Variants in GOLM1 observed in about 807,000 individuals in gnomAD.
The protein encoded by GOLM1 is epididymis luminal protein 46.
In GOLM1, 31 loss-of-function variants were observed where a neutral mutation model predicts 50.5. The ratio of observed to expected loss-of-function variants is 0.61; its 90% CI spans 0.46 to 0.83. The LOEUF (loss-of-function observed/expected upper bound fraction) is 0.83. Ranked by LOEUF, GOLM1 falls within the 40% of genes least tolerant of loss-of-function variation. The pLI, the probability that GOLM1 is intolerant of heterozygous loss-of-function variation, is 0.00. For missense variants in GOLM1, 491 were observed against 501.3 expected (o/e 0.98, Z 0.20); for synonymous variants, 178 against 192.8 (o/e 0.92, Z 0.64).
At chr9:86,037,498 A>AACT (rs1260764889) in intron 6 of GOLM1, among the ~76,000 whole-genome samples, 3 of 152,110 alleles carry the variant, frequency 2.0e-5, no homozygotes, top group Non-Finnish European at 2.9e-5. Context: ...AGCATACCAA[A>AACT]ACTTATGGGA....
rs752129989 is a variant in GOLM1 at position 86,035,554 on chromosome 9, C to T, written c.829G>A (p.Glu277Lys). 1.9e-6 allele frequency: 3 copies of T among 1,610,894 alleles called. No individual in the cohort carries two copies. The Admixed American group carries it at 5.0e-5, about 27-fold the overall frequency. ...ACAGGTCTGTCTTCCACCACCTGCT[C>T]CCGGCCTGGCTCCTGCGGCAGCCTG... ...RDRLPQEPGR[E>K]QVVEDRPVGG... The change falls in exon 8 of 10, where the codon GAG becomes AAG. Residue 277 changes from glutamate (E) to lysine (K), a missense_variant. Transcript: ENST00000388712.
At chr9:86,095,096 A>G (rs1445051313) in intron 1 of GOLM1, among the ~76,000 whole-genome samples, 9 of 151,678 alleles carry the variant, frequency 5.9e-5, no homozygotes, top group Non-Finnish European at 1.2e-4. Flanking sequence ...AAAGAAAAAG[A>G]AAAGAAAAGA....
chr9:86,049,960 T>C (rs1833684580), intron 4 of GOLM1, among the ~76,000 whole-genome samples: 1 of 152,196 alleles, frequency 6.6e-6, no homozygotes, highest in Non-Finnish European at 1.5e-5. Context: ...TCAAAGGGAA[T>C]GCTTCCAGTT....
intron 3 of GOLM1, among the ~76,000 whole-genome samples, chr9:86,065,608 T>G (rs1356415287): frequency 6.6e-6 from 1 of 152,168 alleles, no homozygotes; most frequent in African/African-American, 2.4e-5. Flanking sequence ...CGAGCAGACC[T>G]GGCAGCCCCC....
intron 3 of GOLM1, among the ~76,000 whole-genome samples, chr9:86,066,102 G>T (rs1380210586): frequency 6.6e-6 from 1 of 152,130 alleles, no homozygotes; most frequent in Non-Finnish European, 1.5e-5. Flanking sequence ...TAGGACCAAT[G>T]ACCAGACTTG....
intron 6 of GOLM1, among the ~76,000 whole-genome samples, chr9:86,037,024 C>A (rs915990742): frequency 6.6e-6 from 1 of 152,184 alleles, no homozygotes; most frequent in African/African-American, 2.4e-5. Flanking sequence ...AAATCAATAA[C>A]AGGATGAAAC....
chr9:86,060,001 T>C (rs1410388240), intron 3 of GOLM1, among the ~76,000 whole-genome samples: 1 of 142,612 alleles, frequency 7.0e-6, no homozygotes, highest in Non-Finnish European at 1.5e-5. Context: ...CATTAAAAAA[T>C]GGCTAAAATA....
Position 86,076,421 on chromosome 9 carries a change from CAAAAAAAAAAAAAA to C in GOLM1, c.309+977_309+990del, listed in dbSNP as rs58193076. On this transcript the variant is annotated intron_variant, in intron 3 of 9. Coordinates refer to ENST00000388712, the MANE Select transcript of GOLM1 (RefSeq NM_016548.4). Reference sequence around the variant, plus strand: ...GGACAACAAGAGGGAAACCCCATCTCAAAAAAAAAAAAAAAAAAAAAAAAAAAAAAAAAGCCAAA... The same window carrying C: ...GGACAACAAGAGGGAAACCCCATCTCAAAAAAAAAAAAAAAAAAAGCCAAA... Among the ~76,000 whole-genome samples the C allele has an allele frequency of 1.1e-3, 26 of 23,334 alleles. No individual in the cohort carries two copies. The Admixed American group carries it at 0.013, about 11-fold the overall frequency. 15.3% of individuals were successfully genotyped at this position (23,334 alleles called of 152,430 possible).
intron 1 of GOLM1, chr9:86,079,819 G>A (rs1359858380): frequency 6.6e-6 from 1 of 152,402 alleles, no homozygotes; most frequent in Non-Finnish European, 1.5e-5. Flanking sequence ...TTACTCCTCA[G>A]AGAGAGCTTT....
intron 5 of GOLM1, 105 bp from the exon 6 acceptor site, chr9:86,040,973 G>GATGAAGTGCCTGAA: frequency 8.9e-7 from 1 of 1,117,842 alleles, no homozygotes; most frequent in Non-Finnish European, 1.3e-6. Context: ...TCCTGCTTCA[G>GATGAAGTGCCTGAA]GCACTTCATC....
chr9:86,064,795 T>A (rs1834259930), intron 3 of GOLM1, among the ~76,000 whole-genome samples: 1 of 152,336 alleles, frequency 6.6e-6, no homozygotes, highest in South Asian at 2.1e-4. Context: ...CTGACTCCCA[T>A]GGCCCTTGAG....
Position 86,027,640 on chromosome 9 carries a change from T to C in GOLM1, c.*177A>G, listed in dbSNP as rs1832827188. 2.2e-6 allele frequency: 3 copies of C among 1,387,134 alleles called. No homozygotes were observed. Among genetic ancestry groups the C allele is most frequent in the Non-Finnish European group, 2.8e-6 (3 of 1,074,896 alleles). The allele number at this position is 1,387,134 out of a possible 1,614,324, so 85.9% of individuals were successfully genotyped here. ...CACTTCCAAAGTACCCCCCAAAAGC[T>C]GTTTAAAAGACCATTCCATTTTTTC... On this transcript the variant is annotated 3_prime_UTR_variant, in exon 10 of 10. Transcript: ENST00000388712.
In GOLM1 at chr9:86,027,860, A is replaced by G. The variant is rs1167564868; in HGVS notation, c.1163T>C (p.Ile388Thr). 1 of 1,610,064 alleles carries G rather than the reference A, an allele frequency of 6.2e-7. No homozygotes were observed. The highest frequency in any genetic ancestry group is 8.5e-7 in the Non-Finnish European group (1 of 1,176,528). ...FNVEDQKRDT[I>T]NLLDQREKRN... The stretch of plus-strand genomic sequence containing the variant: ...CTTTTCACGCTGATCAAGTAAATTT[A>G]TGGTGTCTCTTTTCTGATCTTCAAC... Residue 388 changes from isoleucine to threonine, a missense_variant, in exon 10 of 10, where the codon ATA becomes ACA. Coordinates refer to ENST00000388712, the MANE Select transcript of GOLM1 (RefSeq NM_016548.4).
chr9:86,062,721 A>G (rs901365491), intron 3 of GOLM1, among the ~76,000 whole-genome samples: 2 of 141,008 alleles, frequency 1.4e-5, no homozygotes, highest in African/African-American at 5.2e-5. Flanking sequence ...AAAGGAGGAG[A>G]AGCAAACGGG....
intron 3 of GOLM1, among the ~76,000 whole-genome samples, chr9:86,053,432 C>CAT (rs1564347197): frequency 7.7e-6 from 1 of 129,656 alleles, no homozygotes; most frequent in African/African-American, 2.9e-5. Context: ...CCACACCACA[C>CAT]CACACACCAT....
chr9:86,053,614 C>CTACTG (rs1833874870), intron 3 of GOLM1, among the ~76,000 whole-genome samples: 1 of 2,768 alleles, frequency 3.6e-4, no homozygotes, highest in Non-Finnish European at 7.5e-4. Context: ...ACATCACACA[C>CTACTG]CACACCAAAC....
At chr9:86,084,598 G>C (rs1024260246) in intron 1 of GOLM1, among the ~76,000 whole-genome samples, 1 of 152,136 alleles carries the variant, frequency 6.6e-6, no homozygotes, top group African/African-American at 2.4e-5. Context: ...ACAGGGTAAA[G>C]GGTATATAGG....
chr9:86,041,708 A>C (rs2118677258), intron 5 of GOLM1, among the ~76,000 whole-genome samples: 1 of 152,328 alleles, frequency 6.6e-6, no homozygotes, highest in East Asian at 1.9e-4. Flanking sequence ...CCAGCCAGGC[A>C]GAAGTGAGGG....
intron 3 of GOLM1, among the ~76,000 whole-genome samples, chr9:86,058,456 C>T (rs1834052749): frequency 6.6e-6 from 1 of 152,104 alleles, no homozygotes; most frequent in East Asian, 1.9e-4. Context: ...TGCCTGTAAT[C>T]CCAGCACTTT....
Sources: gnomAD v4.1 joint callset for allele counts (sites outside exome capture counted in the v4.1 genomes callset) on GRCh38, gnomAD v4.1.1 for gene constraint, MANE v1.5 for transcripts, NCBI Gene and HGNC (gene_info 2026-07-23, HGNC 2026-07-21) for gene names.